The following SLC35E2B variants were observed in gnomAD, a reference collection of about 807,000 sequenced individuals.
SLC35E2B encodes the protein solute carrier family 35 member E2B.
In SLC35E2B, 18 loss-of-function variants were observed where a neutral mutation model predicts 32.4. That is an observed-to-expected ratio of 0.56 (90% CI 0.38 to 0.82). The LOEUF is 0.82. SLC35E2B is among the 40% of genes least tolerant of loss of function. SLC35E2B has a pLI of 0.00. For synonymous variants in SLC35E2B, 132 were observed against 209.1 expected (o/e 0.63, Z 3.18); for missense variants, 263 against 469.5 (o/e 0.56, Z 4.06).
intron 2 of SLC35E2B, among the ~76,000 whole-genome samples, chr1:1,678,981 C>A (rs1248762673): frequency 2.0e-5 from 3 of 152,172 alleles, no homozygotes; most frequent in South Asian, 4.1e-4. Flanking sequence ...CAGGGCTCCG[C>A]AAGGCAGGGG....
intron 9 of SLC35E2B, among the ~76,000 whole-genome samples, chr1:1,667,773 G>A (rs982490575): frequency 1.3e-5 from 2 of 152,000 alleles, no homozygotes; most frequent in Non-Finnish European, 2.9e-5. Context: ...ACCTTCAAAC[G>A]CAGAGACTTC....
chr1:1,685,998 A>T (rs1052310100), intron 2 of SLC35E2B, among the ~76,000 whole-genome samples: 2 of 135,746 alleles, frequency 1.5e-5, no homozygotes, highest in African/African-American at 5.6e-5. Flanking sequence ...CGCCCAGTGA[A>T]TTTTTGTATT....
chr1:1,671,681 C>T (rs750386584), intron 5 of SLC35E2B, 52 bp from the exon 6 acceptor site: 19 of 1,444,438 alleles, frequency 1.3e-5, no homozygotes, highest in Admixed American at 2.7e-5. Flanking sequence ...CGGACGCTCC[C>T]TCCCGAGGGC....
chr1:1,681,632 G>A (rs567317568), intron 2 of SLC35E2B, among the ~76,000 whole-genome samples: 65 of 150,422 alleles, frequency 4.3e-4, no homozygotes, highest in African/African-American at 1.5e-3. Flanking sequence ...TCAGCCTCTC[G>A]GGCAGCTGGA....
chr1:1,679,471 A>C (rs915566222), intron 2 of SLC35E2B, among the ~76,000 whole-genome samples: 3 of 152,144 alleles, frequency 2.0e-5, no homozygotes, highest in Non-Finnish European at 4.4e-5. Context: ...GCTCACAATT[A>C]GTGGAAACAA....
At position 1,670,085 on chromosome 1, in the gene SLC35E2B, GAAT is replaced by G. The variant is rs753946957; in HGVS notation, c.761+10_761+12del. 18 of 1,548,318 alleles carry G rather than the reference GAAT, an allele frequency of 1.2e-5. No individual in the cohort carries two copies. The highest frequency in any genetic ancestry group is 4.4e-6 in the Non-Finnish European group (5 of 1,143,712). ...CTTATGACTTGGAGATTTCACTGAC[GAAT>G]AATACTTACGAGAACCTGTATTTGT... On this transcript the variant is annotated intron_variant, in intron 7 of 9. Coordinates refer to ENST00000617444, the MANE Select transcript of SLC35E2B (RefSeq NM_001290264.2).
chr1:1,682,266 G>C (rs939458546), intron 2 of SLC35E2B, among the ~76,000 whole-genome samples: 1 of 152,070 alleles, frequency 6.6e-6, no homozygotes, highest in Non-Finnish European at 1.5e-5. Context: ...AAACGGTCCC[G>C]GGAAAATGGG....
At position 1,663,283 on chromosome 1, in the gene SLC35E2B, G is replaced by A. The variant is rs1643452965; in HGVS notation, c.*2499C>T. 1.0e-6 allele frequency: 1 copy of A among 981,370 alleles called. No homozygotes were observed. The highest frequency in any genetic ancestry group is 1.8e-5 in the African/African-American group (1 of 57,024). The allele number at this position is 981,370 out of a possible 1,614,324, so 60.8% of individuals were successfully genotyped here. ...TGTGAGGGTGGAGGGGAGGGCACCA[G>A]ATGCTGTGCGGCTGGAAATTCCAAG... On this transcript the variant is annotated 3_prime_UTR_variant, in exon 10 of 10. Transcript: ENST00000617444.
intron 5 of SLC35E2B, among the ~76,000 whole-genome samples, chr1:1,675,209 C>A (rs1429495365): frequency 8.9e-5 from 9 of 100,656 alleles, no homozygotes; most frequent in Non-Finnish European, 1.8e-4. Context: ...CCACCTGTCT[C>A]CCCACCCAGT....
Position 1,665,394 on chromosome 1 carries a change from A to G in SLC35E2B, c.*388T>C, listed in dbSNP as rs1452017300. The G allele has an allele frequency of 4.6e-6, 2 of 436,230 alleles. No homozygotes were observed. The highest frequency in any genetic ancestry group is 8.1e-6 in the Non-Finnish European group (2 of 248,146). 27.0% of individuals were successfully genotyped at this position (436,230 alleles called of 1,614,324 possible). A position where few individuals can be genotyped will look rare whatever the true frequency, so the allele number is the denominator to read the frequency against. ...CAGGGCCTTCGATGGCTGGTGTGGG[A>G]AGCCGAGGGCTCTCTTGGCTGTGGC... On this transcript the variant is annotated 3_prime_UTR_variant, in exon 10 of 10. Coordinates refer to ENST00000617444, the MANE Select transcript of SLC35E2B (RefSeq NM_001290264.2).
chr1:1,667,870 G>C lies in SLC35E2B; in HGVS notation c.980+457C>G, dbSNP rs1035353994. ...TTTGTTTTTCTGTTTTTTTTTTTTT[G>C]AGAAGGACTCTCGCTCCCATCCCCC... On this transcript the variant is annotated intron_variant, in intron 9 of 9. Coordinates refer to ENST00000617444, the MANE Select transcript of SLC35E2B (RefSeq NM_001290264.2). Among the ~76,000 whole-genome samples the C allele has an allele frequency of 2.5e-5, 3 of 120,738 alleles. No homozygotes were observed. In the Admixed American group the frequency reaches 2.5e-4, roughly 10 times the overall value. The allele number at this position is 120,738 out of a possible 152,430, so 79.2% of individuals were successfully genotyped here. A position where few individuals can be genotyped will look rare whatever the true frequency, so the allele number is the denominator to read the frequency against.
At chr1:1,687,617 C>T (rs1253151951) in intron 2 of SLC35E2B, among the ~76,000 whole-genome samples, 1 of 152,000 alleles carries the variant, frequency 6.6e-6, no homozygotes, top group African/African-American at 2.4e-5. Context: ...CGCCTGTAGT[C>T]CCAGCTACTT....
chr1:1,687,207 C>T (rs1353050257), intron 2 of SLC35E2B, among the ~76,000 whole-genome samples: 2 of 152,202 alleles, frequency 1.3e-5, no homozygotes, highest in African/African-American at 2.4e-5. Context: ...CACCCCAACA[C>T]AGCACATCTG....
rs1273615629 is a variant in SLC35E2B, at chr1:1,664,981, C to T, written c.*801G>A. The T allele has an allele frequency of 1.1e-5, 11 of 979,588 alleles. No homozygotes were observed. Among genetic ancestry groups the T allele is most frequent in the Non-Finnish European group, 1.2e-5 (10 of 824,936 alleles). 60.7% of individuals were successfully genotyped at this position (979,588 alleles called of 1,614,324 possible). A position where few individuals can be genotyped will look rare whatever the true frequency, so the allele number is the denominator to read the frequency against. On this transcript the variant is annotated 3_prime_UTR_variant, in exon 10 of 10. Transcript: ENST00000617444. ...TACACATCTCCTCCCAAGTTAAACACGAGAGGTTTGTCCTCAACCTCAGGG... is the reference window on the plus strand; with the variant it reads ...TACACATCTCCTCCCAAGTTAAACATGAGAGGTTTGTCCTCAACCTCAGGG...
chr1:1,679,564 C>T (rs1643881674), intron 2 of SLC35E2B, among the ~76,000 whole-genome samples: 1 of 152,112 alleles, frequency 6.6e-6, no homozygotes, highest in Non-Finnish European at 1.5e-5. Flanking sequence ...CCGTGGCTCA[C>T]ACCTGGAATC....
chr1:1,683,748 A>C (rs919606237), intron 2 of SLC35E2B, among the ~76,000 whole-genome samples: 2 of 151,760 alleles, frequency 1.3e-5, no homozygotes, highest in African/African-American at 2.4e-5. Flanking sequence ...CCTCATCAGC[A>C]TAAGCTCAGG....
chr1:1,683,559 C>A (rs1008296354), intron 2 of SLC35E2B, among the ~76,000 whole-genome samples: 1 of 151,972 alleles, frequency 6.6e-6, no homozygotes, highest in Non-Finnish European at 1.5e-5. Context: ...AATCCGAAGA[C>A]CATCCCACTC....
In SLC35E2B at chr1:1,683,783, G is replaced by A. The variant is rs181881524; in HGVS notation, c.-147-6937C>T. Among the ~76,000 whole-genome samples, 674 of 152,182 alleles carry A rather than the reference G, an allele frequency of 4.4e-3. 6 individuals carry two copies. Among genetic ancestry groups the A allele is most frequent in the Non-Finnish European group, 4.7e-3 (320 of 68,006 alleles). Reference sequence around the variant, plus strand: ...GTGTGATCAGCATAAGCTCCGGGGTGATCTGAACCACTCCTGTCACTCAGG... The same window carrying A: ...GTGTGATCAGCATAAGCTCCGGGGTAATCTGAACCACTCCTGTCACTCAGG... On this transcript the variant is annotated intron_variant, in intron 2 of 9. Coordinates refer to ENST00000617444, the MANE Select transcript of SLC35E2B (RefSeq NM_001290264.2).
At chr1:1,681,369 G>GT (rs1349101107) in intron 2 of SLC35E2B, among the ~76,000 whole-genome samples, 246 of 146,224 alleles carry the variant, frequency 1.7e-3, no homozygotes, top group Middle Eastern at 0.011. Flanking sequence ...GGCTAATTTT[G>GT]TTTTTTTTTG....
Sources: allele counts gnomAD v4.1 joint callset (sites outside exome capture counted in the v4.1 genomes callset), GRCh38; gene constraint gnomAD v4.1.1; transcripts MANE v1.5; gene names NCBI Gene and HGNC (gene_info 2026-07-23, HGNC 2026-07-21).